Variants in TASP1 observed in about 807,000 individuals in gnomAD.
TASP1 encodes the protein threonine aspartase 1.
Under a neutral mutation model 56.6 loss-of-function variants are expected in TASP1, and 16 were observed. The ratio of observed to expected loss-of-function variants is 0.28; its 90% confidence interval spans 0.19 to 0.43. TASP1 has a LOEUF of 0.43. TASP1 is among the 20% of genes least tolerant of loss of function. The pLI, the probability that TASP1 is intolerant of heterozygous loss-of-function variation, is 1.00. For missense variants in TASP1, 393 were observed against 511.6 expected (o/e 0.77, Z 2.24); for synonymous variants, 179 against 184.2 (o/e 0.97, Z 0.23).
At chr20:13,365,997 G>A in the TASP1 span, among the ~76,000 whole-genome samples, 2 of 152,128 alleles carry the variant, frequency 1.3e-5, no homozygotes, top group South Asian at 2.1e-4. Flanking sequence ...AGGAAAAGAC[G>A]GGATTCAAAG....
the TASP1 span, among the ~76,000 whole-genome samples, chr20:13,198,122 T>C: frequency 1.1e-4 from 17 of 152,336 alleles, no homozygotes; most frequent in African/African-American, 4.1e-4. Flanking sequence ...ACTCTTCATA[T>C]ATAACAAATG....
intron 11 of TASP1, among the ~76,000 whole-genome samples, chr20:13,469,247 C>T (rs2044380579): frequency 6.6e-6 from 1 of 152,004 alleles, no homozygotes; most frequent in African/African-American, 2.4e-5. Context: ...TGGTTTGGTT[C>T]CCCAAAGGCC....
At chr20:13,174,820 A>C in the TASP1 span, among the ~76,000 whole-genome samples, 22 of 152,120 alleles carry the variant, frequency 1.4e-4, no homozygotes, top group African/African-American at 5.3e-4. Flanking sequence ...CTGTGTCCCT[A>C]CCCAAATATC....
the TASP1 span, among the ~76,000 whole-genome samples, chr20:13,233,377 C>T: frequency 2.0e-5 from 3 of 152,024 alleles, no homozygotes; most frequent in African/African-American, 2.4e-5. Context: ...GGGTGGATCA[C>T]CTGAGGTCGG....
chr20:13,438,258 T>A (rs2043082838), intron 11 of TASP1, among the ~76,000 whole-genome samples: 1 of 152,174 alleles, frequency 6.6e-6, no homozygotes, highest in Non-Finnish European at 1.5e-5. Context: ...CAAACTATAC[T>A]ACAAGGCTAC....
At chr20:13,237,115 C>T in the TASP1 span, among the ~76,000 whole-genome samples, 1 of 152,102 alleles carries the variant, frequency 6.6e-6, no homozygotes, top group Admixed American at 6.5e-5. Flanking sequence ...GGACCCTGCC[C>T]CTGCAGCACA....
chr20:13,321,714 A>G, the TASP1 span, among the ~76,000 whole-genome samples: 1 of 152,210 alleles, frequency 6.6e-6, no homozygotes, highest in African/African-American at 2.4e-5. Flanking sequence ...ACTCCCTCCC[A>G]TATAAATACA....
chr20:13,592,048 G>T (rs944614993), intron 4 of TASP1, among the ~76,000 whole-genome samples: 7 of 151,994 alleles, frequency 4.6e-5, no homozygotes, highest in Non-Finnish European at 1.0e-4. Context: ...ACAAAGTAGA[G>T]ATGAAAGGAA....
At chr20:13,409,732 C>T (rs886096322) in intron 13 of TASP1, among the ~76,000 whole-genome samples, 3 of 151,948 alleles carry the variant, frequency 2.0e-5, no homozygotes, top group African/African-American at 7.3e-5. Context: ...GTATGGGATA[C>T]ATGTGATACT....
intron 7 of TASP1, among the ~76,000 whole-genome samples, chr20:13,560,464 A>ACATT (rs2147078051): frequency 6.6e-6 from 1 of 152,272 alleles, no homozygotes; most frequent in African/African-American, 2.4e-5. Flanking sequence ...TTTATAGGAG[A>ACATT]CATTCCCCAC....
chr20:13,524,099 T>C (rs1001571951), intron 10 of TASP1, among the ~76,000 whole-genome samples: 1 of 151,458 alleles, frequency 6.6e-6, no homozygotes, highest in African/African-American at 2.4e-5. Flanking sequence ...CAATGAGCCA[T>C]GATCACACCA....
intron 12 of TASP1, among the ~76,000 whole-genome samples, chr20:13,433,764 C>T (rs371112058): frequency 6.6e-6 from 1 of 150,782 alleles, no homozygotes; most frequent in Non-Finnish European, 1.5e-5. Flanking sequence ...TCAGGCACCA[C>T]TCACGCTTTC....
chr20:13,470,470 C>T (rs552269522), intron 11 of TASP1, among the ~76,000 whole-genome samples: 1 of 152,090 alleles, frequency 6.6e-6, no homozygotes, highest in African/African-American at 2.4e-5. Context: ...ATCCACCTAC[C>T]CACTTAAATG....
At chr20:13,529,091 T>G (rs2045108628) in intron 9 of TASP1, among the ~76,000 whole-genome samples, 1 of 152,072 alleles carries the variant, frequency 6.6e-6, no homozygotes, top group African/African-American at 2.4e-5. Context: ...GTGCAAATAG[T>G]TCTGTACCAA....
the TASP1 span, among the ~76,000 whole-genome samples, chr20:13,251,722 A>C: frequency 6.6e-6 from 1 of 152,186 alleles, no homozygotes; most frequent in South Asian, 2.1e-4. Context: ...CTGCTTTCAA[A>C]AGTCAGGATG....
chr20:13,363,637 G>C, the TASP1 span, among the ~76,000 whole-genome samples: 1,370 of 152,300 alleles, frequency 9.0e-3, 23 homozygotes, highest in African/African-American at 0.031. Flanking sequence ...TTTTCAGTTA[G>C]CATCAGAAGT....
At chr20:13,492,359 T>C (rs2043564328) in intron 10 of TASP1, among the ~76,000 whole-genome samples, 3 of 152,226 alleles carry the variant, frequency 2.0e-5, no homozygotes, top group Admixed American at 1.3e-4. Context: ...CAGTTTCCAG[T>C]ATTGCAACAT....
Position 13,422,614 on chromosome 20 carries a change from G to A in TASP1, c.1097-5093C>T, listed in dbSNP as rs563274550. On this transcript the variant is annotated intron_variant, in intron 12 of 13. Coordinates refer to ENST00000337743, the MANE Select transcript of TASP1 (RefSeq NM_017714.3). ...ATCCAAAATGCACATTTTTCCCCAT[G>A]AGACACTACCATCTTCTCGCACTCT... 2.0e-4 allele frequency among the ~76,000 whole-genome samples: 30 copies of A among 152,196 alleles called. No individual in the cohort carries two copies. In the South Asian group the frequency reaches 5.6e-3, roughly 28 times the overall value.
chr20:13,615,746 G>A (rs1286237504), intron 4 of TASP1, among the ~76,000 whole-genome samples: 4 of 151,844 alleles, frequency 2.6e-5, no homozygotes, highest in African/African-American at 9.7e-5. Context: ...CTCGTGATCC[G>A]CCCGTCTCGG....
Sources: gnomAD v4.1 joint callset for allele counts (sites outside exome capture counted in the v4.1 genomes callset) on GRCh38, gnomAD v4.1.1 for gene constraint, MANE v1.5 for transcripts, NCBI Gene and HGNC (gene_info 2026-07-23, HGNC 2026-07-21) for gene names.